Variants in PRKACB observed in about 807,000 individuals in gnomAD.
The protein encoded by PRKACB is cAMP-dependent protein kinase catalytic subunit beta.
In PRKACB, 16 loss-of-function variants were observed where a neutral mutation model predicts 51.4. The ratio of observed to expected loss-of-function variants is 0.31; its 90% CI spans 0.21 to 0.47. PRKACB has a LOEUF of 0.47. Ranked by LOEUF, PRKACB falls within the 20% of genes least tolerant of loss-of-function variation. The probability of loss-of-function intolerance (pLI) is 1.00; values close to 1 mark genes in which losing one functional copy is unlikely to be tolerated. For missense variants in PRKACB, 309 were observed against 464.5 expected, an observed-to-expected ratio of 0.67 and a Z score of 3.08; for synonymous variants, 147 against 154.4, an observed-to-expected ratio of 0.95 and a Z score of 0.35.
At chr1:84,192,391 C>T (rs1667053817) in intron 5 of PRKACB, among the ~76,000 whole-genome samples, 1 of 151,890 alleles carries the variant, frequency 6.6e-6, no homozygotes, top group South Asian at 2.1e-4. Context: ...AAGATTGTTG[C>T]CATTTCTTTT....
upstream of PRKACB, among the ~76,000 whole-genome samples, chr1:84,143,313 A>T (rs1356996584): frequency 6.6e-6 from 1 of 152,116 alleles, no homozygotes; most frequent in Non-Finnish European, 1.5e-5. Flanking sequence ...TTAGCCGGGC[A>T]TGGTGGTGCG....
chr1:84,115,203 T>C (rs1650536090), intron 1 of PRKACB, among the ~76,000 whole-genome samples: 1 of 144,832 alleles, frequency 6.9e-6, no homozygotes, highest in Admixed American at 6.9e-5. Flanking sequence ...ATCTGCTACT[T>C]TTTTTTTTTT....
upstream of PRKACB, chr1:84,144,154 C>T (rs1009778562): frequency 1.0e-6 from 1 of 996,312 alleles, no homozygotes; most frequent in South Asian, 2.4e-5. Context: ...TTTTTAAAAT[C>T]CTCAACTCTA....
chr1:84,194,259 TCA>T (rs1667590200), intron 5 of PRKACB, among the ~76,000 whole-genome samples: 1 of 152,196 alleles, frequency 6.6e-6, no homozygotes, highest in Non-Finnish European at 1.5e-5. Flanking sequence ...TTGCAACTCC[TCA>T]CAGTCTTAGT....
Position 84,099,064 on chromosome 1 carries a change from G to A in PRKACB, c.46+20693G>A, listed in dbSNP as rs956775879. Among the ~76,000 whole-genome samples, 3 of 152,006 alleles carry A rather than the reference G, an allele frequency of 2.0e-5. No individual in the cohort carries two copies. The South Asian group carries it at 6.2e-4, about 32-fold the overall frequency. ...GGAGTCAATGGCTAAGACAGGGTAG[G>A]GTGGGAATGTACATATTAAATGAAT... On this transcript the variant is annotated intron_variant, in intron 1 of 8. Coordinates refer to the PRKACB transcript ENST00000370688.
At chr1:84,234,777 A>G (rs1198330898) in intron 9 of PRKACB, among the ~76,000 whole-genome samples, 1 of 151,950 alleles carries the variant, frequency 6.6e-6, no homozygotes, top group Non-Finnish European at 1.5e-5. Context: ...TTCGGCTCGC[A>G]CACGGTGCGT....
chr1:84,187,954 G>A lies in PRKACB; in HGVS notation c.560+2772G>A, dbSNP rs560774294. On this transcript the variant is annotated intron_variant, in intron 5 of 9. Transcript: ENST00000370685. ...GGCATTTTATGCACTTTTTAAATAC[G>A]ATAGTTCAGTTAGAGCCTTAGTAAT... 6.1e-4 allele frequency among the ~76,000 whole-genome samples: 93 copies of A among 152,086 alleles called. 1 individual carries two copies. The South Asian group carries it at 0.018, about 29-fold the overall frequency.
intron 7 of PRKACB, among the ~76,000 whole-genome samples, chr1:84,201,535 G>A (rs1208249628): frequency 6.6e-6 from 1 of 151,894 alleles, no homozygotes; most frequent in African/African-American, 2.4e-5. Flanking sequence ...AAAACAAAGT[G>A]CTATTCCTGT....
chr1:84,120,367 A>G (rs553085712), intron 1 of PRKACB, among the ~76,000 whole-genome samples: 2 of 152,248 alleles, frequency 1.3e-5, no homozygotes, highest in African/African-American at 4.8e-5. Context: ...AAATGATGAC[A>G]TCAGTCAGGC....
intron 9 of PRKACB, among the ~76,000 whole-genome samples, chr1:84,230,079 G>C (rs1411048019): frequency 6.6e-6 from 1 of 152,046 alleles, no homozygotes; most frequent in Non-Finnish European, 1.5e-5. Flanking sequence ...TAACGTTTAA[G>C]TCTTTAACCC....
intron 1 of PRKACB, among the ~76,000 whole-genome samples, chr1:84,089,220 G>A (rs79880670): frequency 3.2e-4 from 49 of 152,200 alleles, no homozygotes; most frequent in Non-Finnish European, 5.4e-4. Context: ...CTGTAGAAGC[G>A]TACATCCTCC....
intron 1 of PRKACB, among the ~76,000 whole-genome samples, chr1:84,119,404 A>G (rs998255523): frequency 7.9e-5 from 12 of 152,130 alleles, no homozygotes; most frequent in African/African-American, 2.4e-4. Flanking sequence ...CCAATTTACA[A>G]TATCCAGCAT....
At chr1:84,179,686 A>G (rs954942820) in intron 2 of PRKACB, among the ~76,000 whole-genome samples, 1 of 151,988 alleles carries the variant, frequency 6.6e-6, no homozygotes, top group Admixed American at 6.6e-5. Context: ...GTTCTATATA[A>G]TTAAAGTATT....
At chr1:84,225,670 T>TGTGAACTCCAG (rs1553189485) in intron 9 of PRKACB, among the ~76,000 whole-genome samples, 1 of 152,144 alleles carries the variant, frequency 6.6e-6, no homozygotes, top group Admixed American at 6.5e-5. Context: ...AATGCTATTG[T>TGTGAACTCCAG]GTGAACTCCA....
At chr1:84,099,737 G>A (rs936879983) in intron 1 of PRKACB, among the ~76,000 whole-genome samples, 4 of 151,696 alleles carry the variant, frequency 2.6e-5, no homozygotes, top group Non-Finnish European at 4.4e-5. Context: ...CATAATTCAC[G>A]CAGTTACTTT....
intron 5 of PRKACB, among the ~76,000 whole-genome samples, chr1:84,191,225 A>G (rs1415249863): frequency 6.6e-6 from 1 of 152,078 alleles, no homozygotes; most frequent in Admixed American, 6.6e-5. Context: ...TGATAATGAA[A>G]TTCCTTTAGT....
At chr1:84,160,263 C>G (rs1210522566) in intron 1 of PRKACB, among the ~76,000 whole-genome samples, 1 of 151,798 alleles carries the variant, frequency 6.6e-6, no homozygotes, top group African/African-American at 2.4e-5. Flanking sequence ...TTTTCTATTT[C>G]TTTTTTAGTT....
In PRKACB at chr1:84,204,335, G is replaced by T. The variant is rs571393924; in HGVS notation, c.906+1530G>T. ...TACAGATAAATAAACCTAGCTAGGT[G>T]TTGAATGCTGTGCACTGATAAAGGC... On this transcript the variant is annotated intron_variant, in intron 8 of 9. Coordinates refer to ENST00000370685, the MANE Select transcript of PRKACB (RefSeq NM_182948.4). 33 of 495,836 alleles carry T rather than the reference G, an allele frequency of 6.7e-5. No homozygotes were observed. The East Asian group carries it at 9.0e-4, about 14-fold the overall frequency. 30.7% of individuals were successfully genotyped at this position (495,836 alleles called of 1,614,324 possible).
chr1:84,224,235 C>G (rs1373958157), intron 9 of PRKACB, among the ~76,000 whole-genome samples: 1 of 152,150 alleles, frequency 6.6e-6, no homozygotes, highest in Admixed American at 6.5e-5. Context: ...CATACCTGCC[C>G]CTGGTGGCCA....
Sources: gnomAD v4.1 joint callset for allele counts (sites outside exome capture counted in the v4.1 genomes callset) on GRCh38, gnomAD v4.1.1 for gene constraint, MANE v1.5 for transcripts, NCBI Gene and HGNC (gene_info 2026-07-23, HGNC 2026-07-21) for gene names.